The following UBTD2 variants were observed in gnomAD, a reference collection of about 807,000 sequenced individuals.
UBTD2 encodes ubiquitin domain containing 2.
In UBTD2, 9 loss-of-function variants were observed where a neutral mutation model predicts 19.8. The observed-to-expected ratio is 0.46, with a 90% CI of 0.27 to 0.79. The LOEUF (loss-of-function observed/expected upper bound fraction) is 0.79, where lower values mean the gene tolerates loss of function less well. UBTD2 is among the 30% of genes least tolerant of loss of function. UBTD2 has a pLI of 0.14. For missense variants in UBTD2, 250 were observed against 300.4 expected, an observed-to-expected ratio of 0.83 and a Z score of 1.24; for synonymous variants, 98 against 103.9, an observed-to-expected ratio of 0.94 and a Z score of 0.35.
intron 1 of UBTD2, among the ~76,000 whole-genome samples, chr5:172,240,593 A>T (rs576668549): frequency 1.8e-4 from 28 of 152,292 alleles, no homozygotes; most frequent in African/African-American, 6.5e-4. Flanking sequence ...ACATTTTGTA[A>T]CACCTACCGC....
chr5:172,247,348 TGA>T (rs1420946392), intron 1 of UBTD2, among the ~76,000 whole-genome samples: 3 of 151,458 alleles, frequency 2.0e-5, no homozygotes, highest in Non-Finnish European at 4.4e-5. Flanking sequence ...AAGCAGAAAC[TGA>T]GAGAATTACA....
At chr5:172,279,210 G>A (rs1755665098) in intron 1 of UBTD2, among the ~76,000 whole-genome samples, 1 of 152,240 alleles carries the variant, frequency 6.6e-6, no homozygotes, top group Admixed American at 6.5e-5. Flanking sequence ...AAAGGTTGGT[G>A]CAAAAGTAAT....
rs893024377 is a variant in UBTD2, at chr5:172,265,760, T to C, written c.70+17836A>G. On this transcript the variant is annotated intron_variant, in intron 1 of 2. Transcript: ENST00000393792. Reference sequence around the variant, plus strand: ...GGCACTATACCAGATACTAGGGATATAGTAAAGAACAAATCAGACAAAACC... The same window carrying C: ...GGCACTATACCAGATACTAGGGATACAGTAAAGAACAAATCAGACAAAACC... Among the ~76,000 whole-genome samples the C allele has an allele frequency of 4.6e-5, 7 of 152,328 alleles. 1 individual carries two copies. The South Asian group carries it at 1.4e-3, about 32-fold the overall frequency.
At chr5:172,256,106 A>AG (rs1299008726) in intron 1 of UBTD2, among the ~76,000 whole-genome samples, 2 of 150,450 alleles carry the variant, frequency 1.3e-5, no homozygotes, top group African/African-American at 4.9e-5. Context: ...GAAAAGAGAG[A>AG]AAAAAAAAGA....
intron 2 of UBTD2, among the ~76,000 whole-genome samples, chr5:172,233,184 A>C (rs1360978369): frequency 6.6e-6 from 1 of 152,184 alleles, no homozygotes; most frequent in African/African-American, 2.4e-5. Flanking sequence ...AAAGGACATA[A>C]AGCAGATGGT....
In UBTD2 at chr5:172,254,138, C is replaced by T. The variant is rs193023167; in HGVS notation, c.71-19780G>A. 6.1e-3 allele frequency among the ~76,000 whole-genome samples: 927 copies of T among 152,202 alleles called. 9 individuals carry two copies. The highest frequency in any genetic ancestry group is 9.9e-3 in the Non-Finnish European group (676 of 67,976). On this transcript the variant is annotated intron_variant, in intron 1 of 2. Coordinates refer to ENST00000393792, the MANE Select transcript of UBTD2 (RefSeq NM_152277.3). The stretch of plus-strand genomic sequence containing the variant: ...CTTTTGAGACAGAGTCTCGCTCTGT[C>T]GCCCAGGCTGGAGTGCAGTGGTGCA...
At chr5:172,261,471 T>C (rs923861229) in intron 1 of UBTD2, among the ~76,000 whole-genome samples, 5 of 152,206 alleles carry the variant, frequency 3.3e-5, no homozygotes, top group Admixed American at 1.3e-4. Flanking sequence ...AGTTTTAAGC[T>C]GAAAACATTC....
At chr5:172,278,745 G>A (rs2113141974) in intron 1 of UBTD2, among the ~76,000 whole-genome samples, 1 of 152,144 alleles carries the variant, frequency 6.6e-6, no homozygotes, top group East Asian at 1.9e-4. Flanking sequence ...GGTTGAGACG[G>A]TAATTGTTAT....
intron 2 of UBTD2, among the ~76,000 whole-genome samples, chr5:172,217,433 A>G (rs951369044): frequency 5.2e-4 from 73 of 140,086 alleles, no homozygotes; most frequent in East Asian, 8.5e-4. Context: ...AAAAAAAAAA[A>G]AAAGAAAGAA....
At chr5:172,280,966 G>C (rs937999510) in intron 1 of UBTD2, among the ~76,000 whole-genome samples, 1 of 152,214 alleles carries the variant, frequency 6.6e-6, no homozygotes, top group Non-Finnish European at 1.5e-5. Flanking sequence ...ATGGTCAAAA[G>C]ATTTTTTTAA....
At position 172,243,554 on chromosome 5, in the gene UBTD2, CTTTTTTTTT is replaced by C. The variant is rs58327908; in HGVS notation, c.71-9205_71-9197del. 3.0e-5 allele frequency among the ~76,000 whole-genome samples: 3 copies of C among 101,072 alleles called. No homozygotes were observed. In the Admixed American group the frequency reaches 3.8e-4, roughly 13 times the overall value. The allele number at this position is 101,072 out of a possible 152,430, so 66.3% of individuals were successfully genotyped here. On this transcript the variant is annotated intron_variant, in intron 1 of 2. Coordinates refer to ENST00000393792, the MANE Select transcript of UBTD2 (RefSeq NM_152277.3). ...TCCAGCCTCCAGAATTGTGAGAAAC[CTTTTTTTTT>C]TTTTTTTTTTTTTTAAGAGAGGGAG...
intron 1 of UBTD2, among the ~76,000 whole-genome samples, chr5:172,251,314 CAA>C (rs57577423): frequency 7.6e-5 from 9 of 118,166 alleles, no homozygotes; most frequent in Admixed American, 9.0e-5. Flanking sequence ...GAGCCTATCT[CAA>C]AAAAAAAAAA....
At chr5:172,212,369 T>C (rs1359254732) in intron 2 of UBTD2, 142 bp from the exon 3 acceptor site, 2 of 879,994 alleles carry the variant, frequency 2.3e-6, no homozygotes, top group Non-Finnish European at 3.3e-6. Flanking sequence ...TCAATGATTA[T>C]CAAATCCCAT....
At chr5:172,241,922 G>T (rs1772137347) in intron 1 of UBTD2, among the ~76,000 whole-genome samples, 1 of 152,248 alleles carries the variant, frequency 6.6e-6, no homozygotes, top group Non-Finnish European at 1.5e-5. Flanking sequence ...GCGGACTGAG[G>T]TGGGAGGATC....
At chr5:172,274,135 C>CTTTTTTTTTTT (rs555392614) in intron 1 of UBTD2, among the ~76,000 whole-genome samples, 4 of 108,628 alleles carry the variant, frequency 3.7e-5, no homozygotes, top group Non-Finnish European at 5.4e-5. Flanking sequence ...TTTTGCTTTA[C>CTTTTTTTTTTT]TTTTTTTTTT....
chr5:172,241,763 C>A (rs1772132617), intron 1 of UBTD2, among the ~76,000 whole-genome samples: 2 of 151,910 alleles, frequency 1.3e-5, no homozygotes, highest in South Asian at 4.2e-4. Context: ...ACCTCTAATC[C>A]CAGCACTTTA....
chr5:172,258,955 T>C, intron 1 of UBTD2, among the ~76,000 whole-genome samples: 1 of 152,122 alleles, frequency 6.6e-6, no homozygotes, highest in East Asian at 1.9e-4. Flanking sequence ...CTTACCTGAT[T>C]GCTCTGGCTA....
intron 1 of UBTD2, among the ~76,000 whole-genome samples, chr5:172,240,745 A>T (rs1206627822): frequency 6.6e-6 from 1 of 152,128 alleles, no homozygotes; most frequent in Non-Finnish European, 1.5e-5. Context: ...CCACAAAACA[A>T]CTTTATTGAG....
intron 2 of UBTD2, among the ~76,000 whole-genome samples, chr5:172,219,973 G>C (rs1258293146): frequency 3.3e-5 from 5 of 152,304 alleles, no homozygotes; most frequent in East Asian, 1.9e-4. Context: ...GGGTACCACT[G>C]TACTTCCTAA....
Sources: allele counts gnomAD v4.1 joint callset (sites outside exome capture counted in the v4.1 genomes callset), GRCh38; gene constraint gnomAD v4.1.1; transcripts MANE v1.5; gene names NCBI Gene and HGNC (gene_info 2026-07-23, HGNC 2026-07-21).